LRFN5: variants seen among roughly 807,000 people sequenced by gnomAD.
The protein encoded by LRFN5 is leucine-rich repeat and fibronectin type-III domain-containing protein 5.
Under a neutral mutation model 45.6 loss-of-function variants are expected in LRFN5, and 24 were observed. The ratio of observed to expected loss-of-function variants is 0.53; its 90% CI spans 0.38 to 0.74. The LOEUF is 0.74. LRFN5 is among the 30% of genes least tolerant of loss of function. The pLI, the probability that LRFN5 is intolerant of heterozygous loss-of-function variation, is 0.00. For synonymous variants in LRFN5, 340 were observed against 313.8 expected (o/e 1.08, Z -0.88); for missense variants, 776 against 861.5 (o/e 0.90, Z 1.24).
intron 1 of LRFN5, among the ~76,000 whole-genome samples, chr14:41,697,434 G>T (rs912814451): frequency 2.0e-5 from 3 of 151,742 alleles, no homozygotes; most frequent in African/African-American, 7.2e-5. Flanking sequence ...TATAATTACT[G>T]TTAGACATGT....
intron 1 of LRFN5, among the ~76,000 whole-genome samples, chr14:41,754,064 G>A (rs984890534): frequency 2.6e-5 from 4 of 152,122 alleles, no homozygotes; most frequent in Admixed American, 6.6e-5. Flanking sequence ...GCTGGATTAT[G>A]TTTATTGATT....
chr14:41,808,549 T>TGAAG (rs1167821700), intron 2 of LRFN5, among the ~76,000 whole-genome samples: 5,347 of 53,518 alleles, frequency 0.1, 331 homozygotes, highest in Middle Eastern at 0.16. Context: ...AAGGGAGGGA[T>TGAAG]GAAGGAAGGA....
In LRFN5 at chr14:41,877,869, A is replaced by T. The variant is rs535803475; in HGVS notation, c.-20-8737A>T. On this transcript the variant is annotated intron_variant, in intron 2 of 5. Transcript: ENST00000298119. ...GCAGTTGCTAAACACATCTTCCCGA[A>T]AATATTAATGAAAGGATAAATAAAT... 6.4e-4 allele frequency among the ~76,000 whole-genome samples: 98 copies of T among 152,250 alleles called. No homozygotes were observed. In the South Asian group the frequency reaches 0.02, roughly 31 times the overall value.
At chr14:41,765,539 G>C (rs11627732) in intron 1 of LRFN5, among the ~76,000 whole-genome samples, 42,508 of 152,080 alleles carry the variant, frequency 0.28, 6,267 homozygotes, top group South Asian at 0.43. Flanking sequence ...TTGGATTTCT[G>C]ATGTTTTTGT....
At chr14:41,766,782 C>T (rs898816309) in intron 1 of LRFN5, 72 bp from the exon 2 acceptor site, 4 of 152,344 alleles carry the variant, frequency 2.6e-5, no homozygotes, top group African/African-American at 9.7e-5. Context: ...AGTTAACAGC[C>T]ACTATATTTT....
intron 1 of LRFN5, among the ~76,000 whole-genome samples, chr14:41,712,362 G>C (rs992103236): frequency 3.9e-5 from 6 of 152,072 alleles, no homozygotes; most frequent in African/African-American, 1.4e-4. Flanking sequence ...AGGAGTTCGA[G>C]ACCAGCTTAG....
intron 2 of LRFN5, among the ~76,000 whole-genome samples, chr14:41,882,888 A>G (rs1452700934): frequency 8.3e-6 from 1 of 120,118 alleles, no homozygotes; most frequent in Non-Finnish European, 1.6e-5. Context: ...TCGTTCTGTC[A>G]CCCAGGCTGG....
chr14:41,871,865 G>A (rs1890030309), intron 2 of LRFN5, among the ~76,000 whole-genome samples: 1 of 152,016 alleles, frequency 6.6e-6, no homozygotes, highest in South Asian at 2.1e-4. Context: ...TTTTACCCAA[G>A]CTAAAGTTGA....
chr14:41,888,176 T>C (rs545080449), intron 3 of LRFN5, among the ~76,000 whole-genome samples, 166 bp downstream of exon 3: 30 of 152,248 alleles, frequency 2.0e-4, no homozygotes, highest in Admixed American at 4.6e-4. Context: ...AGTGGGGAGA[T>C]ATTTTGAATG....
At chr14:41,767,512 G>T (rs1312274039) in intron 2 of LRFN5, among the ~76,000 whole-genome samples, 3 of 152,098 alleles carry the variant, frequency 2.0e-5, no homozygotes, top group African/African-American at 7.2e-5. Flanking sequence ...ATGAACTGGT[G>T]CTAGAAAGAG....
intron 1 of LRFN5, among the ~76,000 whole-genome samples, chr14:41,717,880 A>G (rs1449714527): frequency 6.6e-6 from 1 of 152,094 alleles, no homozygotes; most frequent in African/African-American, 2.4e-5. Flanking sequence ...GTAGGCCAAA[A>G]GTTACTAGAC....
chr14:41,849,647 T>C (rs1411455792), intron 2 of LRFN5, among the ~76,000 whole-genome samples: 1 of 152,008 alleles, frequency 6.6e-6, no homozygotes, highest in Non-Finnish European at 1.5e-5. Context: ...TGTGAAGATT[T>C]CTCTGTCTCT....
intron 1 of LRFN5, among the ~76,000 whole-genome samples, chr14:41,640,154 G>T (rs189559842): frequency 4.1e-4 from 62 of 151,782 alleles, no homozygotes; most frequent in African/African-American, 1.2e-3. Flanking sequence ...GTAAACTTAG[G>T]TGATGAAAAT....
intron 2 of LRFN5, among the ~76,000 whole-genome samples, chr14:41,862,775 C>A (rs969047098): frequency 1.3e-5 from 2 of 150,670 alleles, no homozygotes; most frequent in African/African-American, 4.9e-5. Flanking sequence ...TCTGTATTTT[C>A]TTGATGACTA....
At chr14:41,816,424 C>T (rs1172455950) in intron 2 of LRFN5, among the ~76,000 whole-genome samples, 1 of 151,852 alleles carries the variant, frequency 6.6e-6, no homozygotes, top group Non-Finnish European at 1.5e-5. Flanking sequence ...TTTTCTTTCT[C>T]TCTAAAGAAT....
intron 1 of LRFN5, among the ~76,000 whole-genome samples, chr14:41,675,153 A>G (rs2138672327): frequency 6.7e-6 from 1 of 148,936 alleles, no homozygotes; most frequent in South Asian, 2.2e-4. Context: ...CTCACGTCCC[A>G]GACGATGGGC....
At chr14:41,870,743 T>G (rs1889991361) in intron 2 of LRFN5, among the ~76,000 whole-genome samples, 1 of 152,126 alleles carries the variant, frequency 6.6e-6, no homozygotes, top group East Asian at 1.9e-4. Flanking sequence ...ACAAACTGCC[T>G]TTTTTTACTG....
intron 1 of LRFN5, among the ~76,000 whole-genome samples, chr14:41,637,310 GT>G (rs1879350814): frequency 6.6e-6 from 1 of 152,072 alleles, no homozygotes; most frequent in Non-Finnish European, 1.5e-5. Context: ...CAATTACATG[GT>G]TTTCAGCTTG....
chr14:41,852,890 AGATGCTTCAAATGGAGG>A (rs1460751049), intron 2 of LRFN5, among the ~76,000 whole-genome samples: 1 of 152,012 alleles, frequency 6.6e-6, no homozygotes, highest in East Asian at 1.9e-4. Context: ...TATTCCACCA[AGATGCTTCAAATGGAGG>A]GTATTTTTTC....
Sources: allele counts gnomAD v4.1 joint callset (sites outside exome capture counted in the v4.1 genomes callset), GRCh38; gene constraint gnomAD v4.1.1; transcripts MANE v1.5; gene names NCBI Gene and HGNC (gene_info 2026-07-23, HGNC 2026-07-21).